The following CRACDL variants were observed in gnomAD, a reference collection of about 807,000 sequenced individuals.
The protein encoded by CRACDL is CRACD like.
CRACDL carries 26 observed loss-of-function variants against 70.6 expected under a neutral mutation model. The observed-to-expected ratio is 0.37, with a 90% CI of 0.27 to 0.51. CRACDL has a LOEUF of 0.51. CRACDL is among the 20% of genes least tolerant of loss of function. The probability of loss-of-function intolerance (pLI) is 0.94; values close to 1 mark genes in which losing one functional copy is unlikely to be tolerated. For synonymous variants in CRACDL, 618 were observed against 615.2 expected (o/e 1.00, Z -0.07); for missense variants, 1,283 against 1,376.9 (o/e 0.93, Z 1.08).
intron 1 of CRACDL, among the ~76,000 whole-genome samples, chr2:98,875,205 C>T (rs1007071485): frequency 1.3e-5 from 2 of 152,248 alleles, no homozygotes; most frequent in Admixed American, 6.5e-5. Flanking sequence ...ATGTACACCA[C>T]GAGTCACAGA....
At chr2:98,798,579 C>T (rs548107520) in intron 7 of CRACDL, among the ~76,000 whole-genome samples, 1 of 151,696 alleles carries the variant, frequency 6.6e-6, no homozygotes, top group East Asian at 1.9e-4. Context: ...TCATTCCCCT[C>T]CTCTTACATT....
intron 7 of CRACDL, among the ~76,000 whole-genome samples, chr2:98,816,408 C>T (rs551107785): frequency 3.9e-4 from 60 of 152,222 alleles, no homozygotes; most frequent in African/African-American, 1.4e-3. Context: ...CAGGATTGTT[C>T]ATATAAAGAT....
At chr2:98,796,014 A>G in intron 9 of CRACDL, 106 bp downstream of exon 9, 2 of 1,019,636 alleles carry the variant, frequency 2.0e-6, no homozygotes, top group Admixed American at 1.7e-5. Flanking sequence ...AGAAAACTCA[A>G]TGTTGCAAGT....
chr2:98,862,830 C>T (rs1273443008), intron 1 of CRACDL, among the ~76,000 whole-genome samples: 1 of 151,304 alleles, frequency 6.6e-6, no homozygotes, highest in African/African-American at 2.4e-5. Flanking sequence ...TGTAAGAGTT[C>T]CAGAAAGAGA....
At chr2:98,860,948 A>G (rs1465759623) in intron 1 of CRACDL, among the ~76,000 whole-genome samples, 8 of 152,258 alleles carry the variant, frequency 5.3e-5, no homozygotes, top group Non-Finnish European at 1.0e-4. Context: ...GGATTTGAAC[A>G]TAACTTGCAC....
At position 98,823,102 on chromosome 2, in the gene CRACDL, C is replaced by T. The variant is rs1028353193; in HGVS notation, c.1171G>A (p.Val391Met). The T allele has an allele frequency of 1.8e-5, 28 of 1,577,952 alleles. No homozygotes were observed. The highest frequency in any genetic ancestry group is 2.2e-5 in the Non-Finnish European group (26 of 1,165,362). ...GCGACGTCTTCGGGAGCACAGACCACCTCCTCCGCCTTGTCCGTGGCCGGG... is the reference window on the plus strand; with the variant it reads ...GCGACGTCTTCGGGAGCACAGACCATCTCCTCCGCCTTGTCCGTGGCCGGG... ...CAPATDKAEE[V>M]VCAPEDVASP... The change falls in exon 7 of 10, where the codon GTG becomes ATG. Residue 391 changes from valine to methionine, a missense_variant. By Grantham distance (21) the Val-to-Met change is conservative. This residue lies in a region of CRACDL where 921 missense variants were observed against 881.9 expected (regional missense o/e 1.04). Coordinates refer to ENST00000397899, the MANE Select transcript of CRACDL (RefSeq NM_207362.3). This position sits in a 1 kb window ranked among gnomAD's most constrained non-coding sequence, Gnocchi z 4.0.
intron 7 of CRACDL, among the ~76,000 whole-genome samples, chr2:98,799,418 G>A (rs564548512): frequency 1.3e-5 from 2 of 151,870 alleles, no homozygotes; most frequent in South Asian, 4.2e-4. Flanking sequence ...CACACAGCCA[G>A]GACCTCCCCT....
chr2:98,824,783 G>A (rs1360442154), intron 6 of CRACDL, among the ~76,000 whole-genome samples: 1 of 152,158 alleles, frequency 6.6e-6, no homozygotes, highest in Non-Finnish European at 1.5e-5. Context: ...TGCCTGGGAT[G>A]TTTGTGACAA....
At chr2:98,889,236 A>G (rs6752025) in intron 1 of CRACDL, among the ~76,000 whole-genome samples, 63,166 of 148,968 alleles carry the variant, frequency 0.42, 14,273 homozygotes, top group African/African-American at 0.58. Context: ...AGAAAGAAAG[A>G]AAAAGAAAGA....
intron 7 of CRACDL, among the ~76,000 whole-genome samples, chr2:98,803,222 G>A (rs1385796103): frequency 2.0e-5 from 3 of 151,942 alleles, no homozygotes; most frequent in Non-Finnish European, 2.9e-5. Flanking sequence ...GGATGGTCTC[G>A]ATCTCTTGAC....
chr2:98,818,434 G>C (rs1310451843), intron 7 of CRACDL, among the ~76,000 whole-genome samples: 2 of 152,188 alleles, frequency 1.3e-5, no homozygotes, highest in Non-Finnish European at 2.9e-5. Flanking sequence ...AGGTGCTGGG[G>C]ACAAAGCAGT....
chr2:98,842,950 G>T (rs1469862664), intron 2 of CRACDL, among the ~76,000 whole-genome samples: 1 of 150,990 alleles, frequency 6.6e-6, no homozygotes, highest in African/African-American at 2.4e-5. Flanking sequence ...GAGTTGGATT[G>T]CTGAGTCATA....
chr2:98,822,513 A>T lies in CRACDL; in HGVS notation c.1760T>A (p.Val587Asp). The change falls in exon 7 of 10, where the codon GTC becomes GAC. Residue 587 changes from valine to aspartate, a missense_variant. By Grantham distance (152) the Val-to-Asp change is radical. Transcript: ENST00000397899. This position sits in a 1 kb window ranked among gnomAD's most constrained non-coding sequence, Gnocchi z 4.9. ...SSCRARPRPG[V>D]SRPLERASGR... ...GCTGGCCCGTTCCAGCGGGCGGGAG[A>T]CGCCCGGACGAGGCCGCGCTCGGCA... 4 of 1,456,202 alleles carry T rather than the reference A, an allele frequency of 2.7e-6. No individual in the cohort carries two copies. Among genetic ancestry groups the T allele is most frequent in the Non-Finnish European group, 3.6e-6 (4 of 1,113,336 alleles). 90.2% of individuals were successfully genotyped at this position (1,456,202 alleles called of 1,614,324 possible). A position where few individuals can be genotyped will look rare whatever the true frequency, so the allele number is the denominator to read the frequency against.
intron 2 of CRACDL, among the ~76,000 whole-genome samples, chr2:98,838,962 A>G (rs1381425558): frequency 6.6e-6 from 1 of 152,278 alleles, no homozygotes; most frequent in Non-Finnish European, 1.5e-5. Context: ...CTCTCCCATG[A>G]ATTCTATCAT....
chr2:98,897,081 C>T (rs2104648218), intron 1 of CRACDL, among the ~76,000 whole-genome samples: 1 of 152,210 alleles, frequency 6.6e-6, no homozygotes, highest in Non-Finnish European at 1.5e-5. Flanking sequence ...ATCACCACCC[C>T]ACCCCTAAAA....
At chr2:98,837,110 A>C (rs1705823683) in intron 3 of CRACDL, among the ~76,000 whole-genome samples, 1 of 151,152 alleles carries the variant, frequency 6.6e-6, no homozygotes, top group Non-Finnish European at 1.5e-5. Flanking sequence ...ATGCATGCAC[A>C]GTATATCCCT....
intron 1 of CRACDL, among the ~76,000 whole-genome samples, chr2:98,905,174 CG>C (rs1387817837): frequency 1.0e-4 from 15 of 148,828 alleles, no homozygotes; most frequent in African/African-American, 3.7e-4. Flanking sequence ...GGCGTGAACC[CG>C]GGAGGCGGAG....
At chr2:98,873,918 A>T (rs1329754083) in intron 1 of CRACDL, among the ~76,000 whole-genome samples, 1 of 152,206 alleles carries the variant, frequency 6.6e-6, no homozygotes, top group African/African-American at 2.4e-5. Flanking sequence ...AGGTACAACA[A>T]TTGCTTGAAC....
chr2:98,911,332 ATGCCTCC>A (rs1381988822), intron 1 of CRACDL, among the ~76,000 whole-genome samples: 1 of 152,122 alleles, frequency 6.6e-6, no homozygotes, highest in African/African-American at 2.4e-5. Context: ...CCTTTGCACA[ATGCCTCC>A]GGGGCTGGTA....
Sources: allele counts gnomAD v4.1 joint callset (sites outside exome capture counted in the v4.1 genomes callset), GRCh38; gene constraint gnomAD v4.1.1; regional missense constraint gnomAD v4.1.1; non-coding constraint Gnocchi (gnomAD v3.1); transcripts MANE v1.5; gene names NCBI Gene and HGNC (gene_info 2026-07-23, HGNC 2026-07-21).